The following BCLAF3 variants were observed in gnomAD, a reference collection of about 807,000 sequenced individuals.
BCLAF3 encodes transient octamer binding factor 1.
A neutral mutation model predicts 51.2 loss-of-function variants in BCLAF3; 24 were observed. The ratio of observed to expected loss-of-function variants is 0.47; its 90% CI spans 0.34 to 0.66. The LOEUF (loss-of-function observed/expected upper bound fraction) is 0.66. Ranked by LOEUF, BCLAF3 falls within the 30% of genes least tolerant of loss-of-function variation. The pLI is 0.01. For missense variants in BCLAF3, 465 were observed against 525.1 expected (o/e 0.89, Z 1.12); for synonymous variants, 152 against 176.6 (o/e 0.86, Z 1.10).
intron 8 of BCLAF3, among the ~76,000 whole-genome samples, chrX:19,948,858 G>T (rs188542934): frequency 2.1e-4 from 23 of 110,532 alleles, no homozygotes; most frequent in Non-Finnish European, 3.4e-4. Context: ...AACAGTAGTT[G>T]CCAGGGACTA....
At position 19,929,849 on chromosome X, in the gene BCLAF3, C is replaced by A. The variant is rs749152983; in HGVS notation, c.2042G>T (p.Arg681Leu). 1 of 1,210,588 alleles carries A rather than the reference C, an allele frequency of 8.3e-7. No individual in the cohort carries two copies. Among genetic ancestry groups the A allele is most frequent in the Admixed American group, 2.2e-5 (1 of 45,914 alleles). The part of the protein sequence containing the change: ...LYIQAKYQRL[R>L]FTGPRGFITH... ...GATAAATCCCCTTGGGCCAGTGAAC[C>A]GTAAACGCTGATACTTAGCCTGAAT... The change falls in exon 11 of 12, where the codon CGG becomes CTG. Residue 681 changes from arginine (R) to leucine (L), a missense_variant. Arg to Leu is a moderately radical substitution (Grantham distance 102, BLOSUM62 -2). Coordinates refer to ENST00000379682, the MANE Select transcript of BCLAF3 (RefSeq NM_001367774.2).
rs1018268504 is a variant in BCLAF3, at chrX:19,913,030, T to C, written c.*4275A>G. ...AATTCACTCATATGTACAGACAGGA[T>C]TGACGGGGGGAATCCCTAAACTTTT... On this transcript the variant is annotated 3_prime_UTR_variant, in exon 12 of 12. Coordinates refer to ENST00000379682, the MANE Select transcript of BCLAF3 (RefSeq NM_001367774.2). 8.0e-5 allele frequency: 9 copies of C among 111,977 alleles called. No individual in the cohort carries two copies. The highest frequency in any genetic ancestry group is 2.9e-4 in the African/African-American group (9 of 30,790). The allele number at this position is 111,977 out of a possible 1,213,427, so 9.2% of individuals were successfully genotyped here.
intron 8 of BCLAF3, among the ~76,000 whole-genome samples, chrX:19,940,328 C>T (rs1319454697): frequency 1.9e-5 from 2 of 107,393 alleles, no homozygotes; most frequent in Admixed American, 9.9e-5. Flanking sequence ...GCACATTGTG[C>T]AGGTTAGTTA....
intron 1 of BCLAF3, among the ~76,000 whole-genome samples, chrX:19,979,058 G>A (rs927920977): frequency 2.7e-5 from 3 of 110,967 alleles, no homozygotes; most frequent in Non-Finnish European, 5.7e-5. Flanking sequence ...CCAGGAGTTC[G>A]AGACCAGCCT....
intron 2 of BCLAF3, among the ~76,000 whole-genome samples, 173 bp from the exon 3 acceptor site, chrX:19,966,822 G>A (rs1424322479): frequency 9.0e-6 from 1 of 111,036 alleles, no homozygotes; most frequent in East Asian, 2.8e-4. Flanking sequence ...GTCTGATTAT[G>A]GTACTGCCCA....
In BCLAF3 at chrX:19,955,390, C is replaced by A. The variant is rs2071628098; in HGVS notation, c.1450+1G>T. On this transcript the variant is annotated splice_donor_variant, in intron 5 of 11. Coordinates refer to ENST00000379682, the MANE Select transcript of BCLAF3 (RefSeq NM_001367774.2). LOFTEE classifies it high-confidence loss of function. ...CTAACGTATGTGCAAAATATACCAA[C>A]CTTTAACTTGATGGATTATTGTTAT... 8.4e-7 allele frequency: 1 copy of A among 1,187,758 alleles called. No homozygotes were observed. The highest frequency in any genetic ancestry group is 1.8e-5 in the African/African-American group (1 of 56,100).
At chrX:19,946,016 G>A (rs1196998769) in intron 8 of BCLAF3, among the ~76,000 whole-genome samples, 7 of 109,078 alleles carry the variant, frequency 6.4e-5, no homozygotes, top group Non-Finnish European at 1.1e-4. Context: ...CGCAATATTC[G>A]GGTGGGAGTG....
intron 7 of BCLAF3, among the ~76,000 whole-genome samples, chrX:19,951,108 C>T (rs2071458861): frequency 9.1e-6 from 1 of 109,567 alleles, no homozygotes; most frequent in African/African-American, 3.3e-5. Context: ...AGGTTATCTA[C>T]CTAAATAGAT....
intron 4 of BCLAF3, among the ~76,000 whole-genome samples, chrX:19,961,136 T>C (rs2071840290): frequency 8.9e-6 from 1 of 112,434 alleles, no homozygotes; most frequent in African/African-American, 3.2e-5. Flanking sequence ...TGCATTTGTC[T>C]GCCCCAAAAC....
chrX:19,960,445 A>G (rs745941039), intron 4 of BCLAF3, among the ~76,000 whole-genome samples: 2 of 111,667 alleles, frequency 1.8e-5, no homozygotes, highest in Non-Finnish European at 3.8e-5. Flanking sequence ...CAGAATCCCT[A>G]CACAAGGCCC....
intron 8 of BCLAF3, among the ~76,000 whole-genome samples, chrX:19,945,229 G>A (rs1479480387): frequency 9.2e-6 from 1 of 108,294 alleles, no homozygotes; most frequent in African/African-American, 3.4e-5. Context: ...ATGTCCTCCC[G>A]TAGCTCAGAG....
chrX:19,953,973 G>A, intron 5 of BCLAF3, 81 bp from the exon 6 acceptor site: 1 of 1,082,159 alleles, frequency 9.2e-7, no homozygotes, highest in East Asian at 3.2e-5. Context: ...AGAAAGAAGG[G>A]ATTATTTTTT....
chrX:19,944,303 T>C (rs2071169028), intron 8 of BCLAF3, among the ~76,000 whole-genome samples: 1 of 32,019 alleles, frequency 3.1e-5, no homozygotes, highest in Non-Finnish European at 4.8e-5. Context: ...ATGTGTGAAT[T>C]TGATCCTGTC....
intron 1 of BCLAF3, among the ~76,000 whole-genome samples, chrX:19,979,848 A>G (rs943805263): frequency 9.0e-6 from 1 of 111,053 alleles, no homozygotes; most frequent in Admixed American, 9.7e-5. Flanking sequence ...ATTAAAATTT[A>G]ATAAGGAACA....
intron 8 of BCLAF3, among the ~76,000 whole-genome samples, chrX:19,940,980 A>G (rs1233151198): frequency 9.0e-6 from 1 of 110,535 alleles, no homozygotes; most frequent in East Asian, 2.8e-4. Context: ...GTGTGATATG[A>G]TATCTCATAG....
intron 1 of BCLAF3, among the ~76,000 whole-genome samples, chrX:19,971,639 T>C (rs1309154550): frequency 8.9e-6 from 1 of 112,178 alleles, no homozygotes; most frequent in Non-Finnish European, 1.9e-5. Context: ...TACTAGCTAT[T>C]ATTTACAACT....
chrX:19,971,427 A>G (rs2072254491), intron 1 of BCLAF3, among the ~76,000 whole-genome samples: 1 of 112,376 alleles, frequency 8.9e-6, no homozygotes, highest in African/African-American at 3.2e-5. Flanking sequence ...ACTTTCCACC[A>G]GACAAATATG....
At chrX:19,953,993 C>T (rs1362769937) in intron 5 of BCLAF3, 101 bp from the exon 6 acceptor site, 4 of 1,058,831 alleles carry the variant, frequency 3.8e-6, no homozygotes, top group African/African-American at 1.9e-5. Context: ...TAAAATTCAA[C>T]CTGTTTTCTC....
intron 8 of BCLAF3, among the ~76,000 whole-genome samples, chrX:19,939,988 G>T (rs1191813875): frequency 8.9e-6 from 1 of 112,165 alleles, no homozygotes; most frequent in African/African-American, 3.2e-5. Flanking sequence ...AGATGAAAAA[G>T]TTCTGGAAGT....
Sources: gnomAD v4.1 joint callset for allele counts (sites outside exome capture counted in the v4.1 genomes callset) on GRCh38, gnomAD v4.1.1 for gene constraint, MANE v1.5 for transcripts, NCBI Gene and HGNC (gene_info 2026-07-23, HGNC 2026-07-21) for gene names.